Variants in DOCK2 observed in about 807,000 individuals in gnomAD.
The protein encoded by DOCK2 is dedicator of cytokinesis protein 2.
Under a neutral mutation model 248.9 loss-of-function variants are expected in DOCK2, and 87 were observed. The observed-to-expected ratio is 0.35, with a 90% CI of 0.29 to 0.42. The LOEUF (loss-of-function observed/expected upper bound fraction) is 0.42, where lower values mean the gene tolerates loss of function less well. Among genes scored for constraint, DOCK2 ranks in the 10% least tolerant of loss-of-function variants. DOCK2 has a pLI of 1.00. For synonymous variants in DOCK2, 805 were observed against 821.6 expected (o/e 0.98, Z 0.35); for missense variants, 1,747 against 2,300.2 (o/e 0.76, Z 4.92).
intron 27 of DOCK2, among the ~76,000 whole-genome samples, chr5:169,857,960 C>G (rs1453565859): frequency 6.6e-6 from 1 of 152,046 alleles, no homozygotes; most frequent in Non-Finnish European, 1.5e-5. Context: ...TGGTGGGGAG[C>G]AGAATGAGGA....
chr5:170,069,250 T>A (rs551528018), intron 46 of DOCK2, 30 bp downstream of exon 46: 29 of 1,609,798 alleles, frequency 1.8e-5, no homozygotes, highest in African/African-American at 2.7e-5. Flanking sequence ...GGGAGCATGC[T>A]GCTCTCCTTC....
intron 32 of DOCK2, among the ~76,000 whole-genome samples, chr5:170,016,728 T>C (rs1755551778): frequency 6.6e-6 from 1 of 152,206 alleles, no homozygotes; most frequent in Non-Finnish European, 1.5e-5. Flanking sequence ...CATAAGCAAT[T>C]TCTCCATTCC....
chr5:169,646,285 G>A (rs972829209), intron 1 of DOCK2, among the ~76,000 whole-genome samples: 12 of 152,122 alleles, frequency 7.9e-5, no homozygotes, highest in African/African-American at 2.9e-4. Context: ...TCTCTGTTCT[G>A]TTCCATTGGT....
chr5:169,864,452 A>G (rs1169532536), intron 27 of DOCK2: 7 of 1,536,400 alleles, frequency 4.6e-6, no homozygotes, highest in Non-Finnish European at 6.1e-6. Context: ...CGAAAATCAT[A>G]CTCTACACTG....
chr5:169,802,405 C>A (rs142015434), intron 25 of DOCK2, among the ~76,000 whole-genome samples: 70 of 152,280 alleles, frequency 4.6e-4, no homozygotes, highest in African/African-American at 1.7e-3. Flanking sequence ...CAGAAGGATG[C>A]AAGTGGAAGG....
At chr5:169,834,962 T>C (rs921698617) in intron 26 of DOCK2, among the ~76,000 whole-genome samples, 7 of 152,018 alleles carry the variant, frequency 4.6e-5, no homozygotes, top group African/African-American at 1.2e-4. Flanking sequence ...GAAGAGACCA[T>C]TGTAAATTGG....
intron 13 of DOCK2, among the ~76,000 whole-genome samples, chr5:169,700,734 A>C (rs555139725): frequency 3.3e-5 from 5 of 152,278 alleles, no homozygotes; most frequent in South Asian, 4.1e-4. Flanking sequence ...GTTTTGGACT[A>C]AGTTCCTGCA....
intron 27 of DOCK2, among the ~76,000 whole-genome samples, chr5:169,886,852 G>T (rs1773000163): frequency 6.6e-6 from 1 of 152,204 alleles, no homozygotes; most frequent in African/African-American, 2.4e-5. Context: ...CACAGGCTAT[G>T]ATTGTCTGAG....
intron 27 of DOCK2, among the ~76,000 whole-genome samples, chr5:169,933,271 T>C (rs74933776): frequency 0.066 from 9,988 of 152,310 alleles, 636 homozygotes; most frequent in African/African-American, 0.16. Context: ...GGTTAGCCTG[T>C]AGGACAGTGG....
At chr5:169,811,689 G>A (rs1010642394) in intron 26 of DOCK2, among the ~76,000 whole-genome samples, 5 of 152,298 alleles carry the variant, frequency 3.3e-5, no homozygotes, top group East Asian at 1.9e-4. Context: ...GTTCTTATAC[G>A]ACACAGTTGT....
rs1266667868 is a variant in DOCK2, at chr5:169,714,189, C to T, written c.1821C>T (p.Cys607=). The change falls in exon 18 of 52, where the codon TGC becomes TGT. Residue 607 remains cysteine, a synonymous_variant. Coordinates refer to ENST00000520908, the MANE Select transcript of DOCK2 (RefSeq NM_004946.3). ...TGTTCTCCATTTCCACCCTGGTGTG[C>T]TCCACAAAGCTCACTCAGAATGGTA... ...RDVFSISTLV[C]STKLTQNVGL... is the part of the protein sequence containing the mutation. 6.2e-7 allele frequency: 1 copy of T among 1,609,942 alleles called. No homozygotes were observed. Among genetic ancestry groups the T allele is most frequent in the East Asian group, 2.2e-5 (1 of 44,790 alleles).
At chr5:169,923,762 T>C (rs1039486613) in intron 27 of DOCK2, among the ~76,000 whole-genome samples, 1 of 152,216 alleles carries the variant, frequency 6.6e-6, no homozygotes, top group East Asian at 1.9e-4. Flanking sequence ...TAAAAACATA[T>C]ATGGCATGTT....
Position 169,704,767 on chromosome 5 carries a change from G to A in DOCK2, c.1383+2340G>A, listed in dbSNP as rs1450594175. On this transcript the variant is annotated intron_variant, in intron 14 of 51. Coordinates refer to ENST00000520908, the MANE Select transcript of DOCK2 (RefSeq NM_004946.3). ...TCATTTACTCCATATATATGTGTGT[G>A]TGTGTGTGTGTGTGTGTGTGTGTGT... 1.9e-3 allele frequency among the ~76,000 whole-genome samples: 68 copies of A among 35,608 alleles called. 1 individual carries two copies. Among genetic ancestry groups the A allele is most frequent in the African/African-American group, 5.6e-3 (68 of 12,176 alleles). The allele number at this position is 35,608 out of a possible 152,430, so 23.4% of individuals were successfully genotyped here.
chr5:170,004,665 C>A (rs1259976058), intron 30 of DOCK2, among the ~76,000 whole-genome samples: 1 of 147,428 alleles, frequency 6.8e-6, no homozygotes, highest in African/African-American at 2.5e-5. Context: ...TTGGAACCAA[C>A]CCAAATGTCC....
At chr5:169,892,051 A>G (rs1388831198) in intron 27 of DOCK2, among the ~76,000 whole-genome samples, 1 of 151,980 alleles carries the variant, frequency 6.6e-6, no homozygotes, top group Non-Finnish European at 1.5e-5. Flanking sequence ...AACAACCACT[A>G]CAACAAACTT....
intron 14 of DOCK2, among the ~76,000 whole-genome samples, chr5:169,704,343 C>T (rs10063658): frequency 0.11 from 16,694 of 152,158 alleles, 1,736 homozygotes; most frequent in Admixed American, 0.29. Flanking sequence ...TTGATTTCTC[C>T]TCCTGCTCTA....
intron 26 of DOCK2, among the ~76,000 whole-genome samples, chr5:169,840,428 A>T (rs1769881656): frequency 6.6e-6 from 1 of 152,206 alleles, no homozygotes; most frequent in African/African-American, 2.4e-5. Flanking sequence ...ACCATATAAT[A>T]ACTTAACCAA....
chr5:169,686,088 G>T (rs1429211010), intron 8 of DOCK2, among the ~76,000 whole-genome samples: 1 of 152,182 alleles, frequency 6.6e-6, no homozygotes, highest in East Asian at 1.9e-4. Flanking sequence ...GAGTGTCCCT[G>T]GTCCCTTACG....
At chr5:169,871,044 G>A (rs753157396) in intron 27 of DOCK2, among the ~76,000 whole-genome samples, 1 of 152,182 alleles carries the variant, frequency 6.6e-6, no homozygotes, top group Non-Finnish European at 1.5e-5. Flanking sequence ...TCACGTGGCA[G>A]AAAGGGGAGA....
Sources: gnomAD v4.1 joint callset for allele counts (sites outside exome capture counted in the v4.1 genomes callset) on GRCh38, gnomAD v4.1.1 for gene constraint, MANE v1.5 for transcripts, NCBI Gene and HGNC (gene_info 2026-07-23, HGNC 2026-07-21) for gene names.